NAALADL1: variants seen among roughly 807,000 people sequenced by gnomAD.
The protein encoded by NAALADL1 is N-acetylated alpha-linked acidic dipeptidase like 1, also known as aminopeptidase NAALADL1.
A neutral mutation model predicts 82.8 loss-of-function variants in NAALADL1; 77 were observed. That is an observed-to-expected ratio of 0.93 (90% confidence interval 0.77 to 1.12). NAALADL1 has a LOEUF of 1.12. Ranked by LOEUF, NAALADL1 falls within the 50% of genes most tolerant of loss-of-function variation. The probability of loss-of-function intolerance (pLI) is 0.00; values close to 1 mark genes in which losing one functional copy is unlikely to be tolerated. For missense variants in NAALADL1, 956 were observed against 964.0 expected, an observed-to-expected ratio of 0.99 and a Z score of 0.11; for synonymous variants, 358 against 399.2, an observed-to-expected ratio of 0.90 and a Z score of 1.23.
At chr11:65,057,544 TGG>T (rs764901234) in intron 3 of NAALADL1, 51 bp from the exon 4 acceptor site, 2 of 1,574,628 alleles carry the variant, frequency 1.3e-6, no homozygotes, top group Non-Finnish European at 1.7e-6. Context: ...GAAGTGTGGG[TGG>T]GGAAGGGGGG....
chr11:65,060,353 G>A (rs890434941), upstream of NAALADL1, among the ~76,000 whole-genome samples: 3 of 152,124 alleles, frequency 2.0e-5, no homozygotes, highest in Non-Finnish European at 2.9e-5. Flanking sequence ...TCTTGGCAAC[G>A]TGATTATCGA....
chr11:65,045,990 G>A, intron 16 of NAALADL1, 37 bp downstream of exon 16: 1 of 1,611,484 alleles, frequency 6.2e-7, no homozygotes, highest in South Asian at 1.1e-5. Flanking sequence ...TGCCCTGGGT[G>A]CTGCCCTCCC....
intron 8 of NAALADL1, 94 bp from the exon 9 acceptor site, chr11:65,048,479 G>A: frequency 7.2e-7 from 1 of 1,393,866 alleles, no homozygotes; most frequent in Non-Finnish European, 1.0e-6. Flanking sequence ...GGGAGAGCGG[G>A]AAAAGGCGGG....
rs1183037732 is a variant in NAALADL1 at position 65,048,152 on chromosome 11, CA to C, written c.1347del (p.Phe449LeufsTer33). 15 of 1,614,016 alleles carry C rather than the reference CA, an allele frequency of 9.3e-6. No homozygotes were observed. Among genetic ancestry groups the C allele is most frequent in the African/African-American group, 1.3e-5 (1 of 74,912 alleles). ...VAYINVDISV[F>X]ANATLRVQGT... ...CTTTCCTGCCCCACCACCCACATAC[CA>C]AACACCGAGATGTCCACGTTGATGT... On this transcript the variant is annotated frameshift_variant and splice_region_variant, in exon 10 of 18. Coordinates refer to ENST00000358658, the MANE Select transcript of NAALADL1 (RefSeq NM_005468.3). LOFTEE classifies it high-confidence loss of function.
upstream of NAALADL1, among the ~76,000 whole-genome samples, chr11:65,058,852 G>A (rs1319097399): frequency 6.6e-6 from 1 of 152,152 alleles, no homozygotes; most frequent in African/African-American, 2.4e-5. Flanking sequence ...CAGCAGGGCC[G>A]TGCCCACTGC....
intron 4 of NAALADL1, among the ~76,000 whole-genome samples, chr11:65,056,627 G>A (rs1352920540): frequency 6.6e-6 from 1 of 151,474 alleles, no homozygotes; most frequent in Non-Finnish European, 1.5e-5. Flanking sequence ...GGCTGGTCTT[G>A]AACTCCTGAA....
At chr11:65,057,603 C>T in intron 3 of NAALADL1, 110 bp from the exon 4 acceptor site, 2 of 1,421,402 alleles carry the variant, frequency 1.4e-6, no homozygotes, top group Non-Finnish European at 1.9e-6. Flanking sequence ...TGTTCCCCCA[C>T]CTCACCCAGA....
Position 65,053,623 on chromosome 11 carries a change from C to T in NAALADL1, c.993-47G>A, listed in dbSNP as rs1946952939. 8 of 1,503,902 alleles carry T rather than the reference C, an allele frequency of 5.3e-6. No individual in the cohort carries two copies. The highest frequency in any genetic ancestry group is 7.2e-6 in the Non-Finnish European group (8 of 1,110,528). The allele number at this position is 1,503,902 out of a possible 1,614,324, so 93.2% of individuals were successfully genotyped here. On this transcript the variant is annotated intron_variant, in intron 6 of 17. Coordinates refer to ENST00000358658, the MANE Select transcript of NAALADL1 (RefSeq NM_005468.3). The surrounding 1 kb of genome is among the most constrained non-coding windows in gnomAD (Gnocchi z 4.3). ...AGAAGACTCTTGGCCTTGCCCACTG[C>T]CCCCGACCCAGTGCAGGAGACACTG...
In NAALADL1 at chr11:65,048,354, A is replaced by T. The variant is rs756408516; in HGVS notation, c.1230T>A (p.Phe410Leu). ...GTWRPRRSIV[F>L]ASWGAEEFGL... Reference sequence around the variant, plus strand: ...CAAACTCCTCAGCCCCCCAGCTCGCAAACACGATTGATCTGCGAGGACGCC... The same window carrying T: ...CAAACTCCTCAGCCCCCCAGCTCGCTAACACGATTGATCTGCGAGGACGCC... The change falls in exon 9 of 18, where the codon TTT (phenylalanine) becomes TTA (leucine). Residue 410 changes from phenylalanine (F) to leucine (L), a missense_variant. Phe to Leu is a conservative substitution (Grantham distance 22). Transcript: ENST00000358658. The T allele has an allele frequency of 3.1e-6, 5 of 1,614,138 alleles. No homozygotes were observed. The South Asian group carries it at 4.4e-5, about 14-fold the overall frequency.
chr11:65,048,032 C>G lies in NAALADL1; in HGVS notation c.1365G>C (p.Arg455Ser), dbSNP rs773776772. The G allele has an allele frequency of 1.2e-6, 2 of 1,613,942 alleles. No homozygotes were observed. Among genetic ancestry groups the G allele is most frequent in the South Asian group, 2.2e-5 (2 of 91,074 alleles). ...DISVFANATL[R>S]VQGTPPVQSV... Reference sequence around the variant, plus strand: ...TCTGGACAGGGGGCGTCCCCTGCACCCTAAGGGTAGCGTTGGCTGTGGGAG... The same window carrying G: ...TCTGGACAGGGGGCGTCCCCTGCACGCTAAGGGTAGCGTTGGCTGTGGGAG... Residue 455 changes from arginine (R) to serine (S), a missense_variant, in exon 11 of 18, where the codon AGG becomes AGC. Transcript: ENST00000358658.
chr11:65,045,712 G>C (rs1330954541), intron 17 of NAALADL1, 110 bp downstream of exon 17: 1 of 1,108,450 alleles, frequency 9.0e-7, no homozygotes, highest in African/African-American at 1.6e-5. Context: ...TCTTCTTCAG[G>C]GGCTGGGTTG....
Position 65,047,560 on chromosome 11 carries a change from C to T in NAALADL1, c.1514G>A (p.Gly505Asp). 1 of 1,572,470 alleles carries T rather than the reference C, an allele frequency of 6.4e-7. No homozygotes were observed. Among genetic ancestry groups the T allele is most frequent in the Non-Finnish European group, 8.6e-7 (1 of 1,159,056 alleles). The change falls in exon 13 of 18, where the codon GGT becomes GAT. Residue 505 changes from glycine (G) to aspartate (D), a missense_variant. Transcript: ENST00000358658. Reference protein sequence around the residue: ...SPVYGLVPSLGSLGAGSDYAP... With the variant: ...SPVYGLVPSLDSLGAGSDYAP... ...ATAGTCGCTGCCAGCACCCAGAGAA[C>T]CCAAGCTGCGGGAAGGAAGGGGGCC...
At chr11:65,055,237 G>C (rs1346256152) in intron 4 of NAALADL1, among the ~76,000 whole-genome samples, 1 of 152,196 alleles carries the variant, frequency 6.6e-6, no homozygotes, top group African/African-American at 2.4e-5. Context: ...CTGAGGTCAA[G>C]ACCAGCCTGG....
At chr11:65,045,746 A>G in intron 17 of NAALADL1, 76 bp downstream of exon 17, 1 of 1,389,340 alleles carries the variant, frequency 7.2e-7, no homozygotes. Flanking sequence ...AGAGAAGCTG[A>G]CCACCTCGTC....
chr11:65,048,466 GA>G (rs1946801996), intron 8 of NAALADL1, 81 bp from the exon 9 acceptor site: 1 of 1,516,704 alleles, frequency 6.6e-7, no homozygotes, highest in African/African-American at 1.4e-5. Context: ...CTGACGTGAG[GA>G]GGGGAGAGCG....
At chr11:65,055,095 A>T (rs2137023853) in intron 4 of NAALADL1, among the ~76,000 whole-genome samples, 1 of 152,316 alleles carries the variant, frequency 6.6e-6, no homozygotes, top group South Asian at 2.1e-4. Flanking sequence ...GGCTAAACCA[A>T]ATGTGGGCTG....
At position 65,053,429 on chromosome 11, in the gene NAALADL1, A is replaced by C; in HGVS notation, c.1078+62T>G. 1 of 1,611,332 alleles carries C rather than the reference A, an allele frequency of 6.2e-7. No homozygotes were observed. The highest frequency in any genetic ancestry group is 1.1e-5 in the South Asian group (1 of 91,024). On this transcript the variant is annotated intron_variant, in intron 7 of 17. Transcript: ENST00000358658. This position sits in a 1 kb window ranked among gnomAD's most constrained non-coding sequence, Gnocchi z 4.3. The stretch of plus-strand genomic sequence containing the variant: ...GTGGTGGCAAGGGCAGGGCTGGATG[A>C]GGACAGCGGCATCCAGAGCAGAGCA...
At chr11:65,055,617 A>C (rs1214733931) in intron 4 of NAALADL1, among the ~76,000 whole-genome samples, 2 of 152,326 alleles carry the variant, frequency 1.3e-5, no homozygotes, top group Non-Finnish European at 2.9e-5. Flanking sequence ...AGGCAAATTC[A>C]TAGAGACAGA....
upstream of NAALADL1, among the ~76,000 whole-genome samples, chr11:65,060,352 C>T (rs1048117173): frequency 2.0e-5 from 3 of 152,056 alleles, no homozygotes; most frequent in Admixed American, 6.6e-5. Context: ...TTCTTGGCAA[C>T]GTGATTATCG....
Sources: gnomAD v4.1 joint callset for allele counts (sites outside exome capture counted in the v4.1 genomes callset) on GRCh38, gnomAD v4.1.1 for gene constraint, Gnocchi (gnomAD v3.1) non-coding constraint, MANE v1.5 for transcripts, NCBI Gene and HGNC (gene_info 2026-07-23, HGNC 2026-07-21) for gene names.